The following KLHL25 variants were observed in gnomAD, a reference collection of about 807,000 sequenced individuals.
The protein encoded by KLHL25 is kelch like family member 25.
Under a neutral mutation model 30.0 loss-of-function variants are expected in KLHL25, and 41 were observed. That is an observed-to-expected ratio of 1.37 (90% confidence interval 1.07 to 1.78). The LOEUF (loss-of-function observed/expected upper bound fraction) is 1.78. Among genes scored for constraint, KLHL25 ranks in the 40% most tolerant of loss-of-function variants. The pLI, the probability that KLHL25 is intolerant of heterozygous loss-of-function variation, is 0.00. For missense variants in KLHL25, 971 were observed against 824.5 expected, an observed-to-expected ratio of 1.18 and a Z score of -2.18; for synonymous variants, 399 against 355.3, an observed-to-expected ratio of 1.12 and a Z score of -1.38.
chr15:85,774,007 T>C (rs1055307263), intron 1 of KLHL25, among the ~76,000 whole-genome samples: 2 of 152,132 alleles, frequency 1.3e-5, no homozygotes, highest in African/African-American at 4.8e-5. Context: ...TTATTTTCAG[T>C]TGCTCAAGAT....
At chr15:85,784,904 A>G (rs1250451359) in intron 1 of KLHL25, among the ~76,000 whole-genome samples, 2 of 152,180 alleles carry the variant, frequency 1.3e-5, no homozygotes, top group African/African-American at 4.8e-5. Context: ...TAAGCCACTA[A>G]GCCTGTGATG....
At position 85,768,428 on chromosome 15, in the gene KLHL25, C is replaced by T. The variant is rs769719584; in HGVS notation, c.1383G>A (p.Lys461=). ...GTSIHRDMVS[K]VQCYDPSENR... is the part of the protein sequence containing the mutation. ...TCTCCGAGGGGTCATAGCACTGGAC[C>T]TTGGACACCATGTCCCGGTGGATGC... is the stretch of plus-strand genomic sequence containing the variant. The change falls in exon 2 of 3, where the codon AAG becomes AAA. Residue 461 remains lysine, a synonymous_variant. Coordinates refer to ENST00000337975, the MANE Select transcript of KLHL25 (RefSeq NM_022480.4). 6.2e-7 allele frequency: 1 copy of T among 1,613,486 alleles called. No individual in the cohort carries two copies. The highest frequency in any genetic ancestry group is 2.2e-5 in the East Asian group (1 of 44,856).
chr15:85,774,880 CTTTTT>C (rs71141486), intron 1 of KLHL25, among the ~76,000 whole-genome samples: 1 of 140,450 alleles, frequency 7.1e-6, no homozygotes, highest in Non-Finnish European at 1.5e-5. Flanking sequence ...TTTTTCTTTT[CTTTTT>C]TTTTTTTTTG....
intron 1 of KLHL25, among the ~76,000 whole-genome samples, chr15:85,792,114 TC>T (rs2089821523): frequency 6.6e-6 from 1 of 152,088 alleles, no homozygotes; most frequent in African/African-American, 2.4e-5. Context: ...AATGAGGTGG[TC>T]AAGGAAAGGG....
chr15:85,765,534 G>T (rs1231734431), intron 2 of KLHL25, among the ~76,000 whole-genome samples: 1 of 151,332 alleles, frequency 6.6e-6, no homozygotes, highest in Non-Finnish European at 1.5e-5. Flanking sequence ...GCTGAGGAAG[G>T]AGAATCGCTT....
chr15:85,786,863 A>G (rs2089784472), intron 1 of KLHL25, among the ~76,000 whole-genome samples: 1 of 152,242 alleles, frequency 6.6e-6, no homozygotes, highest in Non-Finnish European at 1.5e-5. Context: ...TTTTCAGCAT[A>G]AAATGAACTT....
intron 1 of KLHL25, among the ~76,000 whole-genome samples, chr15:85,785,298 T>A (rs1200506533): frequency 3.3e-5 from 5 of 152,068 alleles, no homozygotes. Flanking sequence ...TTTCACAATG[T>A]TAGCCAGGAT....
At chr15:85,785,055 T>C (rs1285429043) in intron 1 of KLHL25, among the ~76,000 whole-genome samples, 1 of 152,048 alleles carries the variant, frequency 6.6e-6, no homozygotes, top group Non-Finnish European at 1.5e-5. Flanking sequence ...TTCCTGGACA[T>C]GTGATGCTAG....
In KLHL25 at chr15:85,768,529, C is replaced by T. The variant is rs1013153216; in HGVS notation, c.1282G>A (p.Ala428Thr). ...TTGCTGACGCCATCCCGCAAGGGGG[C>T]CACCATCATCCACTTGTTGGCCCCA... Reference protein sequence around the residue: ...DPGANKWMMVAPLRDGVSNAA... With the variant: ...DPGANKWMMVTPLRDGVSNAA... The change falls in exon 2 of 3, where the codon GCC becomes ACC. Residue 428 changes from alanine (A) to threonine (T), a missense_variant. Coordinates refer to ENST00000337975, the MANE Select transcript of KLHL25 (RefSeq NM_022480.4). 18 of 1,613,396 alleles carry T rather than the reference C, an allele frequency of 1.1e-5. No homozygotes were observed. The highest frequency in any genetic ancestry group is 1.4e-5 in the Non-Finnish European group (16 of 1,179,842).
At chr15:85,781,681 AC>A (rs34198943) in intron 1 of KLHL25, among the ~76,000 whole-genome samples, 6 of 152,018 alleles carry the variant, frequency 3.9e-5, no homozygotes, top group African/African-American at 1.5e-4. Context: ...ACGGGGTTTC[AC>A]CATGTTGGCC....
rs931713976 is a variant in KLHL25, at chr15:85,759,483, C to G, written c.*1553G>C. 1 of 152,474 alleles carries G rather than the reference C, an allele frequency of 6.6e-6. No homozygotes were observed. Among genetic ancestry groups the G allele is most frequent in the African/African-American group, 2.4e-5 (1 of 41,470 alleles). The allele number at this position is 152,474 out of a possible 1,614,324, so 9.4% of individuals were successfully genotyped here. On this transcript the variant is annotated 3_prime_UTR_variant, in exon 3 of 3. Transcript: ENST00000337975. Reference sequence around the variant, plus strand: ...GCACCCTCCCTGCAGTCCCCGCGGCCAGGCTCCTGAGTGTGCCAGCAGAGC... The same window carrying G: ...GCACCCTCCCTGCAGTCCCCGCGGCGAGGCTCCTGAGTGTGCCAGCAGAGC...
intron 1 of KLHL25, among the ~76,000 whole-genome samples, chr15:85,775,891 C>T (rs1220794399): frequency 2.4e-5 from 3 of 126,422 alleles, no homozygotes; most frequent in South Asian, 2.7e-4. Context: ...AAAAAAAAAG[C>T]GGCCAGGCGT....
intron 1 of KLHL25, among the ~76,000 whole-genome samples, chr15:85,773,585 G>GT (rs898747249): frequency 1.3e-5 from 2 of 152,312 alleles, no homozygotes; most frequent in South Asian, 2.1e-4. Context: ...CAGGTGGGGA[G>GT]TGGACACGTG....
chr15:85,792,037 C>T (rs2089820926), intron 1 of KLHL25, among the ~76,000 whole-genome samples: 1 of 152,180 alleles, frequency 6.6e-6, no homozygotes, highest in Non-Finnish European at 1.5e-5. Flanking sequence ...GACCTGGAGG[C>T]AGTATGGGAT....
At chr15:85,784,174 T>C (rs547827657) in intron 1 of KLHL25, among the ~76,000 whole-genome samples, 8 of 152,360 alleles carry the variant, frequency 5.3e-5, no homozygotes, top group Admixed American at 1.3e-4. Context: ...TACTGATCAA[T>C]TGGTTGACCT....
rs997294673 is a variant in KLHL25 at position 85,789,356 on chromosome 15, C to T, written c.-11+5410G>A. The stretch of plus-strand genomic sequence containing the variant: ...CTTGCAGGCTGGTGCTCAGTCGCCT[C>T]CTCCTGCCCTGCTGGGCTCCCTTGA... On this transcript the variant is annotated intron_variant, in intron 1 of 2. Coordinates refer to ENST00000337975, the MANE Select transcript of KLHL25 (RefSeq NM_022480.4). This position sits in a 1 kb window ranked among gnomAD's most constrained non-coding sequence, Gnocchi z 4.1. Among the ~76,000 whole-genome samples the T allele has an allele frequency of 7.9e-5, 12 of 151,832 alleles. No homozygotes were observed. Among genetic ancestry groups the T allele is most frequent in the Non-Finnish European group, 1.6e-4 (11 of 67,978 alleles).
intron 2 of KLHL25, chr15:85,762,774 T>G (rs11636821): frequency 0.2 from 29,803 of 152,264 alleles, 3,853 homozygotes; most frequent in Middle Eastern, 0.39. Flanking sequence ...GGCCCAACCC[T>G]CAAGGCTGGC....
At chr15:85,784,554 A>AT (rs148937240) in intron 1 of KLHL25, among the ~76,000 whole-genome samples, 27,057 of 151,870 alleles carry the variant, frequency 0.18, 2,684 homozygotes, top group Non-Finnish European at 0.23. Flanking sequence ...AAATAAAAAA[A>AT]AAAGCAGAGT....
At position 85,768,309 on chromosome 15, in the gene KLHL25, G is replaced by GT. The variant is rs751927356; in HGVS notation, c.1501dup (p.Thr501AsnfsTer12). 5.0e-6 allele frequency: 8 copies of GT among 1,613,876 alleles called. No homozygotes were observed. The highest frequency in any genetic ancestry group is 6.8e-6 in the Non-Finnish European group (8 of 1,180,054). ...GTAGGCCGAGGCGGCTGTGAATTCC[G>GT]TGTCACCTCCCATGATGAAGATCTG... is the stretch of plus-strand genomic sequence containing the variant. On this transcript the variant is annotated frameshift_variant, in exon 2 of 3. Transcript: ENST00000337975. LOFTEE classifies it high-confidence loss of function.
Sources: gnomAD v4.1 joint callset for allele counts (sites outside exome capture counted in the v4.1 genomes callset) on GRCh38, gnomAD v4.1.1 for gene constraint, Gnocchi (gnomAD v3.1) non-coding constraint, MANE v1.5 for transcripts, NCBI Gene and HGNC (gene_info 2026-07-23, HGNC 2026-07-21) for gene names.